The following TDRD5 variants were observed in gnomAD, a reference collection of about 807,000 sequenced individuals.
The protein encoded by TDRD5 is tudor domain-containing protein 5.
In TDRD5, 41 loss-of-function variants were observed where a neutral mutation model predicts 120.6. The ratio of observed to expected loss-of-function variants is 0.34; its 90% confidence interval spans 0.26 to 0.44. TDRD5 has a LOEUF of 0.44. Ranked by LOEUF, TDRD5 falls within the 20% of genes least tolerant of loss-of-function variation. TDRD5 has a pLI of 1.00. For synonymous variants in TDRD5, 430 were observed against 433.7 expected, an observed-to-expected ratio of 0.99 and a Z score of 0.11; for missense variants, 1,006 against 1,221.2, an observed-to-expected ratio of 0.82 and a Z score of 2.63.
At chr1:179,658,905 C>T (rs1679141500) in intron 14 of TDRD5, among the ~76,000 whole-genome samples, 2 of 152,072 alleles carry the variant, frequency 1.3e-5, no homozygotes, top group Non-Finnish European at 2.9e-5. Context: ...TGCTATGAGT[C>T]TCTACATATC....
At chr1:179,682,642 T>C (rs1318380014) in intron 17 of TDRD5, among the ~76,000 whole-genome samples, 1 of 152,204 alleles carries the variant, frequency 6.6e-6, no homozygotes, top group Admixed American at 6.5e-5. Context: ...TTTCTCCTTT[T>C]CTTCCTGTCT....
chr1:179,608,705 T>A lies in TDRD5; in HGVS notation c.832-9894T>A, dbSNP rs187399257. Among the ~76,000 whole-genome samples the A allele has an allele frequency of 3.9e-5, 6 of 152,178 alleles. No individual in the cohort carries two copies. The East Asian group carries it at 1.2e-3, about 29-fold the overall frequency. On this transcript the variant is annotated intron_variant, in intron 4 of 17. Coordinates refer to ENST00000444136, the MANE Select transcript of TDRD5 (RefSeq NM_001199085.3). Reference sequence around the variant, plus strand: ...GTTTGTAATAACTGTTTTAGAGGGCTTGTCTAGTTTTATTATCTGTGCCAT... The same window carrying A: ...GTTTGTAATAACTGTTTTAGAGGGCATGTCTAGTTTTATTATCTGTGCCAT...
chr1:179,648,160 C>T lies in TDRD5; in HGVS notation c.1801-2707C>T, dbSNP rs1310378183. The stretch of plus-strand genomic sequence containing the variant: ...GACACATGCACACGTATGTTTATTG[C>T]GGCATTATTCACAATAGCAAAGACT... On this transcript the variant is annotated intron_variant, in intron 11 of 17. Coordinates refer to ENST00000444136, the MANE Select transcript of TDRD5 (RefSeq NM_001199085.3). Among the ~76,000 whole-genome samples, 14 of 144,280 alleles carry T rather than the reference C, an allele frequency of 9.7e-5. No individual in the cohort carries two copies. In the South Asian group the frequency reaches 2.3e-3, roughly 24 times the overall value. 94.7% of individuals were successfully genotyped at this position (144,280 alleles called of 152,430 possible).
intron 9 of TDRD5, 55 bp downstream of exon 9, chr1:179,635,942 C>G: frequency 6.6e-7 from 1 of 1,520,962 alleles, no homozygotes; most frequent in Non-Finnish European, 8.9e-7. Flanking sequence ...ATCAACAGTT[C>G]TCAAACATTT....
intron 14 of TDRD5, among the ~76,000 whole-genome samples, chr1:179,659,593 G>A (rs958175296): frequency 8.8e-4 from 57 of 64,824 alleles, no homozygotes; most frequent in African/African-American, 2.5e-3. Flanking sequence ...GTGTGTGTGC[G>A]CGCGCTTGCC....
intron 4 of TDRD5, among the ~76,000 whole-genome samples, chr1:179,606,677 T>C (rs1214422155): frequency 6.6e-6 from 1 of 152,078 alleles, no homozygotes; most frequent in Non-Finnish European, 1.5e-5. Flanking sequence ...AAGTGGATGT[T>C]CAATTCTAGT....
intron 11 of TDRD5, among the ~76,000 whole-genome samples, chr1:179,648,209 A>G (rs1678499084): frequency 6.8e-6 from 1 of 146,034 alleles, no homozygotes; most frequent in African/African-American, 2.5e-5. Context: ...AATGTCCAAC[A>G]ACGATAGACT....
intron 17 of TDRD5, among the ~76,000 whole-genome samples, chr1:179,689,969 A>G (rs1254477467): frequency 4.6e-5 from 7 of 152,188 alleles, no homozygotes; most frequent in Non-Finnish European, 1.0e-4. Context: ...TCCCTTGGCT[A>G]GGAAAGGGAA....
intron 4 of TDRD5, among the ~76,000 whole-genome samples, chr1:179,617,107 G>A (rs1352248161): frequency 6.6e-6 from 1 of 152,156 alleles, no homozygotes; most frequent in East Asian, 1.9e-4. Context: ...TTTTGTTAAA[G>A]CTAACGATAT....
In TDRD5 at chr1:179,690,994, T is replaced by A. The variant is rs1173323947; in HGVS notation, c.*51T>A. ...CAGAATCCAGCCGCTTAGGCTTTGA[T>A]GAACTCCCAGGCCAAAATGAGGAGT... is the stretch of plus-strand genomic sequence containing the variant. On this transcript the variant is annotated 3_prime_UTR_variant, in exon 18 of 18. Coordinates refer to ENST00000444136, the MANE Select transcript of TDRD5 (RefSeq NM_001199085.3). 1.3e-6 allele frequency: 2 copies of A among 1,563,406 alleles called. No individual in the cohort carries two copies. The highest frequency in any genetic ancestry group is 2.7e-5 in the African/African-American group (2 of 72,994).
In TDRD5 at chr1:179,593,541, A is replaced by G. The variant is rs1675228220; in HGVS notation, c.314A>G (p.His105Arg). 1.2e-6 allele frequency: 2 copies of G among 1,614,272 alleles called. No homozygotes were observed. The highest frequency in any genetic ancestry group is 1.7e-5 in the Admixed American group (1 of 60,032). Residue 105 changes from histidine to arginine, a missense_variant, in exon 3 of 18, where the codon CAT becomes CGT. Transcript: ENST00000444136. Reference protein sequence around the residue: ...RSSHKLRNSMHKGRPSIYSGP... With the variant: ...RSSHKLRNSMRKGRPSIYSGP... ...AGCCATAAGCTTCGAAACTCAATGC[A>G]TAAGGGAAGACCTAGTATTTATTCT...
At chr1:179,616,947 A>G (rs1396465489) in intron 4 of TDRD5, among the ~76,000 whole-genome samples, 1 of 152,150 alleles carries the variant, frequency 6.6e-6, no homozygotes, top group African/African-American at 2.4e-5. Flanking sequence ...CATTATTGTT[A>G]TTGAATCTGC....
chr1:179,636,422 A>G (rs1019464745), intron 9 of TDRD5, among the ~76,000 whole-genome samples: 8 of 152,336 alleles, frequency 5.3e-5, no homozygotes, highest in Middle Eastern at 3.4e-3. Flanking sequence ...TGCCTCTACA[A>G]TTTGAATGGA....
chr1:179,670,177 G>A (rs1221192333), intron 17 of TDRD5, among the ~76,000 whole-genome samples: 3 of 152,086 alleles, frequency 2.0e-5, no homozygotes, highest in African/African-American at 7.2e-5. Flanking sequence ...GGATCACGAG[G>A]TCAGGAGTTC....
At chr1:179,642,580 T>G (rs1376681638) in intron 11 of TDRD5, among the ~76,000 whole-genome samples, 1 of 152,246 alleles carries the variant, frequency 6.6e-6, no homozygotes, top group Non-Finnish European at 1.5e-5. Context: ...CCTTCAGTCA[T>G]TCATTGTCAC....
In TDRD5 at chr1:179,595,806, AAAATT is replaced by A; in HGVS notation, c.823_827del (p.Leu275ProfsTer26). 2.5e-6 allele frequency: 4 copies of A among 1,605,010 alleles called. No homozygotes were observed. Among genetic ancestry groups the A allele is most frequent in the Non-Finnish European group, 3.4e-6 (4 of 1,176,566 alleles). ...AGACTTCAAGACTGAATCACACTGA[AAAATT>A]AAACCAGGTGAGAGATAAGAATTTG... On this transcript the variant is annotated frameshift_variant, in exon 4 of 18. Transcript: ENST00000444136. LOFTEE classifies it high-confidence loss of function.
chr1:179,604,925 C>G (rs187881528), intron 4 of TDRD5, among the ~76,000 whole-genome samples: 1 of 152,086 alleles, frequency 6.6e-6, no homozygotes, highest in East Asian at 1.9e-4. Flanking sequence ...TCCATTGTGT[C>G]TTTAACTTTC....
At chr1:179,687,848 A>G (rs1383436726) in intron 17 of TDRD5, among the ~76,000 whole-genome samples, 1 of 148,250 alleles carries the variant, frequency 6.7e-6, no homozygotes, top group Admixed American at 6.7e-5. Flanking sequence ...CTGTTTTATC[A>G]GAGACTAGGA....
intron 4 of TDRD5, among the ~76,000 whole-genome samples, chr1:179,607,979 G>T (rs761024195): frequency 1.3e-5 from 2 of 151,772 alleles, no homozygotes; most frequent in Non-Finnish European, 2.9e-5. Flanking sequence ...TCTGCTAGTG[G>T]TGTATATTCT....
Sources: gnomAD v4.1 joint callset for allele counts (sites outside exome capture counted in the v4.1 genomes callset) on GRCh38, gnomAD v4.1.1 for gene constraint, MANE v1.5 for transcripts, NCBI Gene and HGNC (gene_info 2026-07-23, HGNC 2026-07-21) for gene names.